The following PM20D2 variants were observed in gnomAD, a reference collection of about 807,000 sequenced individuals.
PM20D2 encodes peptidase M20 domain containing 2.
PM20D2 carries 33 observed loss-of-function variants against 42.9 expected under a neutral mutation model. That is an observed-to-expected ratio of 0.77 (90% confidence interval 0.58 to 1.03). PM20D2 has a LOEUF of 1.03. Ranked by LOEUF, PM20D2 falls within the 50% of genes least tolerant of loss-of-function variation. The probability of loss-of-function intolerance (pLI) is 0.00; values close to 1 mark genes in which losing one functional copy is unlikely to be tolerated. For synonymous variants in PM20D2, 250 were observed against 228.2 expected, an observed-to-expected ratio of 1.10 and a Z score of -0.86; for missense variants, 548 against 557.0, an observed-to-expected ratio of 0.98 and a Z score of 0.16.
At chr6:89,142,597 G>A (rs1301178059), upstream of PM20D2, among the ~76,000 whole-genome samples, 3 of 152,060 alleles carry the variant, frequency 2.0e-5, no homozygotes, top group East Asian at 5.8e-4. Flanking sequence ...TGAAATATCT[G>A]CACTCTCTCC....
the PM20D2 span, among the ~76,000 whole-genome samples, chr6:89,099,959 A>AT: frequency 1.3e-5 from 2 of 152,144 alleles, no homozygotes; most frequent in Admixed American, 6.5e-5. Context: ...TACTAAGACC[A>AT]TTTTTCAAAT....
At chr6:89,133,983 C>T in the PM20D2 span, among the ~76,000 whole-genome samples, 2 of 151,244 alleles carry the variant, frequency 1.3e-5, no homozygotes, top group African/African-American at 2.5e-5. Flanking sequence ...GGGTCTGTCC[C>T]GCAGACCTTG....
the PM20D2 span, among the ~76,000 whole-genome samples, chr6:89,138,900 TATCTC>T: frequency 6.6e-6 from 1 of 151,922 alleles, no homozygotes; most frequent in Non-Finnish European, 1.5e-5. Context: ...AATAAATAAA[TATCTC>T]TATCATAGTT....
chr6:89,101,914 T>G, the PM20D2 span, among the ~76,000 whole-genome samples: 1 of 151,650 alleles, frequency 6.6e-6, no homozygotes, highest in Non-Finnish European at 1.5e-5. Context: ...AAAGATGTTT[T>G]CAGACAAAAG....
At position 89,154,910 on chromosome 6, in the gene PM20D2, C is replaced by G. The variant is rs759342761; in HGVS notation, c.912+8C>G. ...TTGGCTTCAGGGTGCACAGTAAGAACTTTTAAAAGTTAATCTAAGTTACAA... is the reference window on the plus strand; with the variant it reads ...TTGGCTTCAGGGTGCACAGTAAGAAGTTTTAAAAGTTAATCTAAGTTACAA... On this transcript the variant is annotated splice_region_variant and intron_variant, in intron 4 of 6. Transcript: ENST00000275072. 1.9e-6 allele frequency: 3 copies of G among 1,564,398 alleles called. No individual in the cohort carries two copies. The East Asian group carries it at 7.1e-5, about 37-fold the overall frequency.
intron 2 of PM20D2, among the ~76,000 whole-genome samples, chr6:89,150,951 C>T (rs1322296242): frequency 4.6e-5 from 7 of 151,450 alleles, no homozygotes; most frequent in South Asian, 2.1e-4. Context: ...GTTAGGAGTT[C>T]GAGACCAGCC....
chr6:89,136,537 G>A, the PM20D2 span, among the ~76,000 whole-genome samples: 1 of 150,592 alleles, frequency 6.6e-6, no homozygotes, highest in African/African-American at 2.5e-5. Context: ...AATCAGCCGG[G>A]CGTGGTGGTG....
the PM20D2 span, among the ~76,000 whole-genome samples, chr6:89,118,516 C>T: frequency 7.2e-3 from 1,091 of 152,306 alleles, 9 homozygotes; most frequent in African/African-American, 0.025. Context: ...GACGGGGTCT[C>T]GCTGTGTTGC....
chr6:89,137,042 C>CTA, the PM20D2 span, among the ~76,000 whole-genome samples: 1 of 151,368 alleles, frequency 6.6e-6, no homozygotes, highest in South Asian at 2.1e-4. Context: ...AGGTGATTCT[C>CTA]TATAAAGTGT....
the PM20D2 span, chr6:89,096,869 A>G: frequency 6.6e-6 from 1 of 152,210 alleles, no homozygotes; most frequent in Non-Finnish European, 1.5e-5. Context: ...ATTTCTATCA[A>G]TATCTGTCTT....
the PM20D2 span, chr6:89,098,706 T>C: frequency 6.2e-7 from 1 of 1,613,996 alleles, no homozygotes; most frequent in Non-Finnish European, 8.5e-7. Context: ...GATCTTGCTA[T>C]TGAGTCAGAA....
chr6:89,100,522 TAA>T, the PM20D2 span, among the ~76,000 whole-genome samples: 99,199 of 144,662 alleles, frequency 0.69, 33,796 homozygotes, highest in East Asian at 0.78. Flanking sequence ...CATGTTATGT[TAA>T]AAAAAAAAAA....
chr6:89,123,898 A>G, the PM20D2 span, among the ~76,000 whole-genome samples: 1 of 151,978 alleles, frequency 6.6e-6, no homozygotes, highest in Non-Finnish European at 1.5e-5. Context: ...TTAGTTGGGC[A>G]TGGTGGAGTG....
At chr6:89,121,155 A>G in the PM20D2 span, among the ~76,000 whole-genome samples, 1 of 152,202 alleles carries the variant, frequency 6.6e-6, no homozygotes, top group Non-Finnish European at 1.5e-5. Context: ...ATACCTGAGG[A>G]AAGGGTCTTC....
At chr6:89,117,700 T>G in the PM20D2 span, 5 of 993,962 alleles carry the variant, frequency 5.0e-6, no homozygotes, top group Admixed American at 4.3e-5. Flanking sequence ...TGGCGCAGCC[T>G]GGGCCCGCGG....
chr6:89,099,386 C>G, the PM20D2 span, among the ~76,000 whole-genome samples: 1 of 62,856 alleles, frequency 1.6e-5, no homozygotes. Flanking sequence ...TAGAAAACAG[C>G]TCTCTCTCTC....
chr6:89,099,934 A>T, the PM20D2 span, among the ~76,000 whole-genome samples: 3 of 152,170 alleles, frequency 2.0e-5, no homozygotes, highest in Non-Finnish European at 1.5e-5. Context: ...GAGGGATTAC[A>T]AGCCTTGGCT....
chr6:89,094,781 CTTTTTT>C, the PM20D2 span, among the ~76,000 whole-genome samples: 3 of 138,858 alleles, frequency 2.2e-5, no homozygotes, highest in Non-Finnish European at 3.1e-5. Flanking sequence ...TGCTACGCAT[CTTTTTT>C]TTTTTTTTTT....
the PM20D2 span, among the ~76,000 whole-genome samples, chr6:89,129,829 C>T: frequency 8.6e-5 from 13 of 151,730 alleles, no homozygotes; most frequent in Admixed American, 3.3e-4. Context: ...TTTGCTTCAA[C>T]GGATCCTCCC....
Sources: gnomAD v4.1 joint callset for allele counts (sites outside exome capture counted in the v4.1 genomes callset) on GRCh38, gnomAD v4.1.1 for gene constraint, MANE v1.5 for transcripts, NCBI Gene and HGNC (gene_info 2026-07-23, HGNC 2026-07-21) for gene names.